Variants in SPOCK3 observed in about 807,000 individuals in gnomAD.
SPOCK3 encodes SPARC (osteonectin), cwcv and kazal like domains proteoglycan 3.
In SPOCK3, 30 loss-of-function variants were observed where a neutral mutation model predicts 56.6. The observed-to-expected ratio is 0.53, with a 90% CI of 0.40 to 0.72. The LOEUF (loss-of-function observed/expected upper bound fraction) is 0.72, where lower values mean the gene tolerates loss of function less well. Among genes scored for constraint, SPOCK3 ranks in the 30% least tolerant of loss-of-function variants. The pLI, the probability that SPOCK3 is intolerant of heterozygous loss-of-function variation, is 0.00. For synonymous variants in SPOCK3, 196 were observed against 183.3 expected (o/e 1.07, Z -0.56); for missense variants, 527 against 530.0 (o/e 0.99, Z 0.06).
Position 167,070,215 on chromosome 4 carries a change from C to T in SPOCK3, c.190-7678G>A, listed in dbSNP as rs150116191. ...GAAAGAAAAGATTGGGCCAGAAGTC[C>T]CACACTGAAAGATCCTACTTTTTCC... On this transcript the variant is annotated intron_variant, in intron 2 of 10. Coordinates refer to ENST00000357545, the MANE Select transcript of SPOCK3 (RefSeq NM_001040159.2). Among the ~76,000 whole-genome samples the T allele has an allele frequency of 4.5e-4, 69 of 152,012 alleles. 1 individual carries two copies. In the East Asian group the frequency reaches 0.011, roughly 25 times the overall value.
intron 2 of SPOCK3, among the ~76,000 whole-genome samples, chr4:167,116,651 C>CATATATACTATATACGTATATATATAA (rs1761395959): frequency 1.2e-5 from 1 of 81,462 alleles, no homozygotes; most frequent in Non-Finnish European, 2.2e-5. Context: ...TATATATATA[C>CATATATACTATATACGTATATATATAA]ACATATATAC....
At chr4:167,017,606 G>A (rs1241262723) in intron 3 of SPOCK3, among the ~76,000 whole-genome samples, 4 of 152,036 alleles carry the variant, frequency 2.6e-5, no homozygotes, top group Non-Finnish European at 5.9e-5. Flanking sequence ...AAGTGAATGA[G>A]GAGACAGTTA....
At chr4:166,782,425 A>G (rs1254384357) in intron 7 of SPOCK3, among the ~76,000 whole-genome samples, 3 of 152,188 alleles carry the variant, frequency 2.0e-5, no homozygotes, top group Non-Finnish European at 4.4e-5. Context: ...GTAGATAGAA[A>G]AAGAGTAAGG....
In SPOCK3 at chr4:166,821,673, C is replaced by G. The variant is rs569373088; in HGVS notation, c.590-29384G>C. 3.2e-4 allele frequency among the ~76,000 whole-genome samples: 49 copies of G among 152,034 alleles called. 1 individual carries two copies. In the Middle Eastern group the frequency reaches 0.017, roughly 53 times the overall value. ...CAAAAAAAGTGACACTAAGAAGAAT[C>G]CAGACACCAGAGATCAGAAAGGAAA... On this transcript the variant is annotated intron_variant, in intron 6 of 10. Coordinates refer to ENST00000357545, the MANE Select transcript of SPOCK3 (RefSeq NM_001040159.2).
chr4:167,122,538 C>A (rs1019688025), intron 2 of SPOCK3, among the ~76,000 whole-genome samples: 1 of 152,178 alleles, frequency 6.6e-6, no homozygotes. Flanking sequence ...GGTTACAATA[C>A]CTCAGTGAAC....
chr4:166,840,779 T>TTTTTTG (rs1650971699), intron 6 of SPOCK3, among the ~76,000 whole-genome samples: 1 of 138,140 alleles, frequency 7.2e-6, no homozygotes, highest in East Asian at 2.4e-4. Context: ...AAGTTTTTTT[T>TTTTTTG]TTTTTTTTTT....
intron 4 of SPOCK3, among the ~76,000 whole-genome samples, chr4:166,913,334 C>A (rs1295061246): frequency 6.6e-6 from 1 of 152,126 alleles, no homozygotes; most frequent in Non-Finnish European, 1.5e-5. Context: ...GGAAAAAAAT[C>A]CATTCTCTTC....
At chr4:166,777,718 C>T (rs1339109734) in intron 7 of SPOCK3, among the ~76,000 whole-genome samples, 1 of 152,064 alleles carries the variant, frequency 6.6e-6, no homozygotes, top group Non-Finnish European at 1.5e-5. Context: ...GCCCAGGTCA[C>T]AAAGTGAGGC....
chr4:166,807,895 C>A (rs758422751), intron 6 of SPOCK3, among the ~76,000 whole-genome samples: 3 of 151,976 alleles, frequency 2.0e-5, no homozygotes, highest in Non-Finnish European at 4.4e-5. Flanking sequence ...TGAGATTTTT[C>A]TTCTCTATAC....
chr4:167,025,475 A>G (rs1485698813), intron 3 of SPOCK3, among the ~76,000 whole-genome samples: 1 of 152,094 alleles, frequency 6.6e-6, no homozygotes, highest in African/African-American at 2.4e-5. Context: ...ACATTTTAAT[A>G]TGGATTTAAC....
At chr4:166,982,057 G>A (rs1746640562) in intron 4 of SPOCK3, among the ~76,000 whole-genome samples, 1 of 152,188 alleles carries the variant, frequency 6.6e-6, no homozygotes, top group African/African-American at 2.4e-5. Context: ...ATCTGGAGCT[G>A]CAGTTGGCTG....
intron 6 of SPOCK3, among the ~76,000 whole-genome samples, chr4:166,815,344 G>T (rs1015996825): frequency 6.6e-6 from 1 of 152,032 alleles, no homozygotes; most frequent in Admixed American, 6.6e-5. Flanking sequence ...GGTATTAAAT[G>T]TAGCTTAAAT....
intron 2 of SPOCK3, among the ~76,000 whole-genome samples, chr4:167,160,106 T>G (rs1378551393): frequency 1.3e-5 from 2 of 152,170 alleles, no homozygotes; most frequent in Non-Finnish European, 2.9e-5. Flanking sequence ...AAATTGTCCC[T>G]GTTTGCAGAT....
rs192173053 is a variant in SPOCK3, at chr4:167,209,706, T to C, written c.189+24279A>G. Among the ~76,000 whole-genome samples, 36 of 152,260 alleles carry C rather than the reference T, an allele frequency of 2.4e-4. 1 individual carries two copies. In the East Asian group the frequency reaches 3.3e-3, roughly 14 times the overall value. On this transcript the variant is annotated intron_variant, in intron 2 of 10. Coordinates refer to ENST00000357545, the MANE Select transcript of SPOCK3 (RefSeq NM_001040159.2). ...AATTGTGTACTGCATTACCTGAGAA[T>C]GCAGGAGCATGTGCTTAGAACACTA...
intron 6 of SPOCK3, among the ~76,000 whole-genome samples, chr4:166,860,443 G>A (rs1343552223): frequency 6.6e-6 from 1 of 151,936 alleles, no homozygotes; most frequent in Admixed American, 6.6e-5. Flanking sequence ...TAAAAAGGAA[G>A]CGAGAAAGAG....
intron 4 of SPOCK3, among the ~76,000 whole-genome samples, chr4:166,975,101 G>T (rs1176444774): frequency 6.6e-6 from 1 of 152,072 alleles, no homozygotes; most frequent in African/African-American, 2.4e-5. Context: ...CCATGTTAGG[G>T]TACAGCATGA....
At position 166,862,941 on chromosome 4, in the gene SPOCK3, C is replaced by T. The variant is rs192873175; in HGVS notation, c.589+26189G>A. Among the ~76,000 whole-genome samples, 385 of 151,948 alleles carry T rather than the reference C, an allele frequency of 2.5e-3. 3 individuals are homozygous for T. The highest frequency in any genetic ancestry group is 8.9e-3 in the African/African-American group (369 of 41,476). ...CTAAGATAATCCTCAAGAAGAACAACCTGTAGACACATAATCGTCAGATTC... is the reference window on the plus strand; with the variant it reads ...CTAAGATAATCCTCAAGAAGAACAATCTGTAGACACATAATCGTCAGATTC... On this transcript the variant is annotated intron_variant, in intron 6 of 10. Coordinates refer to ENST00000357545, the MANE Select transcript of SPOCK3 (RefSeq NM_001040159.2).
intron 2 of SPOCK3, among the ~76,000 whole-genome samples, chr4:167,156,472 G>A (rs1179428037): frequency 6.6e-6 from 1 of 152,148 alleles, no homozygotes; most frequent in Non-Finnish European, 1.5e-5. Flanking sequence ...ATTCGAGCAT[G>A]AGTGTTAATC....
chr4:167,116,615 A>G (rs1277314549), intron 2 of SPOCK3, among the ~76,000 whole-genome samples: 1 of 131,854 alleles, frequency 7.6e-6, no homozygotes, highest in African/African-American at 2.9e-5. Flanking sequence ...CTATATACGT[A>G]TATATATACA....
Sources: allele counts gnomAD v4.1 joint callset (sites outside exome capture counted in the v4.1 genomes callset), GRCh38; gene constraint gnomAD v4.1.1; transcripts MANE v1.5; gene names NCBI Gene and HGNC (gene_info 2026-07-23, HGNC 2026-07-21).